The following NCBP1 variants were observed in gnomAD, a reference collection of about 807,000 sequenced individuals.
NCBP1 encodes nuclear cap-binding protein subunit 1.
A neutral mutation model predicts 111.7 loss-of-function variants in NCBP1; 16 were observed. The observed-to-expected ratio is 0.14, with a 90% CI of 0.10 to 0.22. The LOEUF (loss-of-function observed/expected upper bound fraction) is 0.22. Among genes scored for constraint, NCBP1 ranks in the 10% least tolerant of loss-of-function variants. The probability of loss-of-function intolerance (pLI) is 1.00; values close to 1 mark genes in which losing one functional copy is unlikely to be tolerated. For synonymous variants in NCBP1, 304 were observed against 314.3 expected, an observed-to-expected ratio of 0.97 and a Z score of 0.35; for missense variants, 607 against 957.5, an observed-to-expected ratio of 0.63 and a Z score of 4.83.
rs754155815 is a variant in NCBP1 at position 97,640,836 on chromosome 9, A to T, written c.77A>T (p.Glu26Val). ...AGGAGAAAGACCTCTGATGCAAATG[A>T]AACTGAAGATCATTTGGAATCTTTA... ...HKRRKTSDANETEDHLESLIC... is the reference protein window; with the variant it reads ...HKRRKTSDANVTEDHLESLIC... Residue 26 changes from glutamate (E) to valine (V), a missense_variant, in exon 2 of 23, where the codon GAA (glutamate) becomes GTA (valine). Coordinates refer to ENST00000375147, the MANE Select transcript of NCBP1 (RefSeq NM_002486.5). The T allele has an allele frequency of 6.2e-7, 1 of 1,610,092 alleles. No homozygotes were observed. The highest frequency in any genetic ancestry group is 2.2e-5 in the East Asian group (1 of 44,646).
intron 13 of NCBP1, 27 bp from the exon 14 acceptor site, chr9:97,655,984 A>G: frequency 6.3e-7 from 1 of 1,592,260 alleles, no homozygotes; most frequent in East Asian, 2.2e-5. Context: ...ATATGTAAGC[A>G]TTGATAAAAC....
chr9:97,648,286 C>G (rs1217089203), intron 8 of NCBP1, 63 bp downstream of exon 8: 7 of 1,452,436 alleles, frequency 4.8e-6, no homozygotes, highest in Non-Finnish European at 6.7e-6. Flanking sequence ...TGGGTTAATC[C>G]CGCTTGAATT....
chr9:97,657,212 C>T (rs1454312349), intron 14 of NCBP1, among the ~76,000 whole-genome samples: 3 of 152,138 alleles, frequency 2.0e-5, no homozygotes, highest in South Asian at 4.1e-4. Flanking sequence ...GTGATCCGCC[C>T]GCCTCGGCCT....
intron 8 of NCBP1, among the ~76,000 whole-genome samples, chr9:97,649,500 TTTCTG>T (rs1167245260): frequency 6.6e-6 from 1 of 152,200 alleles, no homozygotes; most frequent in Non-Finnish European, 1.5e-5. Flanking sequence ...TATTGTCTCT[TTTCTG>T]TTCTATGGTA....
chr9:97,667,136 T>C, intron 20 of NCBP1, among the ~76,000 whole-genome samples: 1 of 152,128 alleles, frequency 6.6e-6, no homozygotes, highest in Non-Finnish European at 1.5e-5. Context: ...TATCTCTGGG[T>C]CGGCCTCACG....
rs761778277 is a variant in NCBP1, at chr9:97,673,358, A to T, written c.*2159A>T. The T allele has an allele frequency of 3.3e-4, 50 of 152,300 alleles. No individual in the cohort carries two copies. The highest frequency in any genetic ancestry group is 6.8e-4 in the Non-Finnish European group (46 of 68,014). The allele number at this position is 152,300 out of a possible 1,614,324, so 9.4% of individuals were successfully genotyped here. A position where few individuals can be genotyped will look rare whatever the true frequency, so the allele number is the denominator to read the frequency against. ...AAAACCAAAGGATAACCTTTAAGGG[A>T]TTGGTAACTTTGACTCAAAACTGCT... is the stretch of plus-strand genomic sequence containing the variant. On this transcript the variant is annotated 3_prime_UTR_variant, in exon 23 of 23. Transcript: ENST00000375147.
intron 5 of NCBP1, 23 bp from the exon 6 acceptor site, chr9:97,645,588 T>C (rs374842125): frequency 2.5e-4 from 396 of 1,602,786 alleles, no homozygotes; most frequent in Non-Finnish European, 3.1e-4. Context: ...TATTTTAAAC[T>C]TAACTTTTTA....
Position 97,658,680 on chromosome 9 carries a change from A to G in NCBP1, c.1414A>G (p.Thr472Ala). The G allele has an allele frequency of 1.2e-6, 2 of 1,613,348 alleles. No homozygotes were observed. The highest frequency in any genetic ancestry group is 8.5e-7 in the Non-Finnish European group (1 of 1,179,460). ...HQRILDIVPPTFSALCPANPT... is the reference protein window; with the variant it reads ...HQRILDIVPPAFSALCPANPT... ...GCGTATATTAGATATTGTTCCTCCT[A>G]CCTTCTCAGCTCTGTGTCCTGCAAA... The change falls in exon 15 of 23, where the codon ACC becomes GCC. Residue 472 changes from threonine (T) to alanine (A), a missense_variant. Around this residue, in one of 9 missense-constraint regions of NCBP1, gnomAD observed 282 missense variants for 376.5 expected, o/e 0.75. Transcript: ENST00000375147.
intron 18 of NCBP1, among the ~76,000 whole-genome samples, chr9:97,664,103 TAGG>T (rs997650340): frequency 1.3e-5 from 2 of 151,848 alleles, no homozygotes; most frequent in African/African-American, 4.8e-5. Context: ...TGCTTGAACC[TAGG>T]AGGTGGAGGT....
At chr9:97,671,028 C>T in intron 22 of NCBP1, 58 bp from the exon 23 acceptor site, 1 of 1,170,448 alleles carries the variant, frequency 8.5e-7, no homozygotes, top group Non-Finnish European at 1.3e-6. Context: ...GGAAATGTTC[C>T]ACAAGATTGC....
intron 16 of NCBP1, 61 bp downstream of exon 16, chr9:97,661,129 A>G (rs778308735): frequency 2.5e-5 from 40 of 1,590,520 alleles, no homozygotes; most frequent in Non-Finnish European, 3.1e-5. Context: ...AAGCATAAAC[A>G]TAACTCTGGC....
intron 1 of NCBP1, among the ~76,000 whole-genome samples, chr9:97,636,644 A>T (rs1314650752): frequency 1.6e-5 from 1 of 60,628 alleles, no homozygotes; most frequent in African/African-American, 1.0e-4. Flanking sequence ...ATACATATAT[A>T]TATATATATA....
At chr9:97,664,567 G>A in intron 19 of NCBP1, 124 bp downstream of exon 19, 1 of 616,706 alleles carries the variant, frequency 1.6e-6, no homozygotes, top group Non-Finnish European at 2.8e-6. Context: ...GGTCCAATCT[G>A]GTAGGATTGG....
At position 97,669,605 on chromosome 9, in the gene NCBP1, A is replaced by G. The variant is rs765442451; in HGVS notation, c.2158A>G (p.Ile720Val). 1.2e-5 allele frequency: 19 copies of G among 1,608,280 alleles called. No homozygotes were observed. Among genetic ancestry groups the G allele is most frequent in the Non-Finnish European group, 1.6e-5 (19 of 1,174,876 alleles). ...FLVIFQRFIM[I>V]LTEHLVRCET... is the part of the protein sequence containing the mutation. ...TCTCCCTTTCCAGCGGTTTATCATG[A>G]TCTTGACCGAGCACCTAGTACGATG... The change falls in exon 22 of 23, where the codon ATC (isoleucine) becomes GTC (valine). Residue 720 changes from isoleucine (I) to valine (V), a missense_variant. Coordinates refer to ENST00000375147, the MANE Select transcript of NCBP1 (RefSeq NM_002486.5).
intron 10 of NCBP1, among the ~76,000 whole-genome samples, chr9:97,651,602 A>C (rs570887575): frequency 6.6e-6 from 1 of 152,246 alleles, no homozygotes; most frequent in Non-Finnish European, 1.5e-5. Flanking sequence ...TGAATTGCCT[A>C]TAAGTTATTT....
At chr9:97,646,809 C>T (rs899556721) in intron 6 of NCBP1, among the ~76,000 whole-genome samples, 2 of 135,884 alleles carry the variant, frequency 1.5e-5, no homozygotes. Context: ...CACTGCACTC[C>T]AGCCTGGGCA....
intron 21 of NCBP1, 78 bp from the exon 22 acceptor site, chr9:97,669,515 G>T: frequency 1.1e-6 from 1 of 931,980 alleles, no homozygotes; most frequent in East Asian, 2.5e-5. Flanking sequence ...AATACTTTGG[G>T]GTTTCTTTGT....
At position 97,643,209 on chromosome 9, in the gene NCBP1, G is replaced by A. The variant is rs368904475; in HGVS notation, c.230G>A (p.Arg77His). ...ATACTGGGTTCTTAAATCAGTGCAC[G>A]CCTATTACCTGAGAAGCTGACAATT... ...KILRLLCTVA[R>H]LLPEKLTIYT... Residue 77 changes from arginine (R) to histidine (H), a missense_variant, in exon 4 of 23, where the codon CGC becomes CAC. This residue lies in a region of NCBP1 where 185 missense variants were observed against 272.0 expected (regional missense o/e 0.68). Transcript: ENST00000375147. The A allele has an allele frequency of 6.2e-6, 10 of 1,603,034 alleles. No individual in the cohort carries two copies. Among genetic ancestry groups the A allele is most frequent in the Non-Finnish European group, 5.9e-6 (7 of 1,177,062 alleles).
At chr9:97,658,947 C>T (rs375740862) in intron 15 of NCBP1, among the ~76,000 whole-genome samples, 11 of 152,356 alleles carry the variant, frequency 7.2e-5, no homozygotes, top group African/African-American at 2.4e-4. Flanking sequence ...TTAATTACTA[C>T]TGGCTTATCA....
Sources: allele counts gnomAD v4.1 joint callset (sites outside exome capture counted in the v4.1 genomes callset), GRCh38; gene constraint gnomAD v4.1.1; regional missense constraint gnomAD v4.1.1; transcripts MANE v1.5; gene names NCBI Gene and HGNC (gene_info 2026-07-23, HGNC 2026-07-21).